The following EIF2B3 variants were observed in gnomAD, a reference collection of about 807,000 sequenced individuals.
EIF2B3 encodes eukaryotic translation initiation factor 2B subunit gamma, also known as translation initiation factor eIF2B subunit gamma.
Under a neutral mutation model 54.1 loss-of-function variants are expected in EIF2B3, and 20 were observed. The observed-to-expected ratio is 0.37, with a 90% CI of 0.26 to 0.54. The LOEUF is 0.54. Among genes scored for constraint, EIF2B3 ranks in the 20% least tolerant of loss-of-function variants. The probability of loss-of-function intolerance (pLI) is 0.86; values close to 1 mark genes in which losing one functional copy is unlikely to be tolerated. For synonymous variants in EIF2B3, 153 were observed against 188.1 expected, an observed-to-expected ratio of 0.81 and a Z score of 1.52; for missense variants, 448 against 547.8, an observed-to-expected ratio of 0.82 and a Z score of 1.82.
chr1:44,857,319 C>G (rs928890771), intron 11 of EIF2B3, among the ~76,000 whole-genome samples: 3 of 152,126 alleles, frequency 2.0e-5, no homozygotes, highest in African/African-American at 7.2e-5. Context: ...CTCCTGAGGT[C>G]GGGAGTTCGC....
intron 3 of EIF2B3, among the ~76,000 whole-genome samples, chr1:44,977,464 A>G (rs1473148944): frequency 1.3e-5 from 2 of 149,790 alleles, no homozygotes; most frequent in African/African-American, 2.5e-5. Context: ...CATTTAGAGT[A>G]TATCTTTTTT....
chr1:44,922,466 A>G (rs1273840332), intron 5 of EIF2B3, among the ~76,000 whole-genome samples: 2 of 151,320 alleles, frequency 1.3e-5, no homozygotes, highest in Non-Finnish European at 2.9e-5. Context: ...GGGCGCCTGT[A>G]ATCCCAGCTA....
chr1:44,916,810 C>CAAA (rs58666630), intron 5 of EIF2B3, among the ~76,000 whole-genome samples: 38 of 111,316 alleles, frequency 3.4e-4, no homozygotes, highest in East Asian at 7.7e-4. Flanking sequence ...GATTCTGTCG[C>CAAA]AAAAAAAAAA....
At chr1:44,943,059 G>A (rs375787514) in intron 3 of EIF2B3, among the ~76,000 whole-genome samples, 15 of 151,730 alleles carry the variant, frequency 9.9e-5, no homozygotes, top group South Asian at 2.1e-4. Flanking sequence ...GTGTTTCACC[G>A]TGTTAGCCAG....
At position 44,910,852 on chromosome 1, in the gene EIF2B3, T is replaced by A. The variant is rs59559455; in HGVS notation, c.567-13408A>T. Among the ~76,000 whole-genome samples the A allele has an allele frequency of 4.1e-4, 63 of 151,984 alleles. No individual in the cohort carries two copies. In the South Asian group the frequency reaches 0.011, roughly 27 times the overall value. On this transcript the variant is annotated intron_variant, in intron 5 of 11. Transcript: ENST00000360403. ...TCCTTTTCTCTCTCTCTTTCTTTTTTAAATTTTTTTTCCATAGGTTTTGGG... is the reference window on the plus strand; with the variant it reads ...TCCTTTTCTCTCTCTCTTTCTTTTTAAAATTTTTTTTCCATAGGTTTTGGG...
intron 10 of EIF2B3, among the ~76,000 whole-genome samples, chr1:44,865,892 TTTTA>T (rs749880380): frequency 2.6e-5 from 4 of 152,054 alleles, no homozygotes; most frequent in Non-Finnish European, 5.9e-5. Flanking sequence ...CTTTTAAAAT[TTTTA>T]TTTATTTATT....
chr1:44,965,345 T>C (rs1480006144), intron 3 of EIF2B3, among the ~76,000 whole-genome samples: 6 of 152,182 alleles, frequency 3.9e-5, no homozygotes, highest in Admixed American at 3.9e-4. Flanking sequence ...AATCTACATA[T>C]AAAATTCTAC....
intron 4 of EIF2B3, among the ~76,000 whole-genome samples, chr1:44,939,260 C>T (rs1643993954): frequency 6.6e-6 from 1 of 152,096 alleles, no homozygotes; most frequent in South Asian, 2.1e-4. Context: ...TGGCTCTTCT[C>T]CAGTCCTATC....
chr1:44,888,620 G>A (rs976847394), intron 6 of EIF2B3, among the ~76,000 whole-genome samples: 7 of 152,130 alleles, frequency 4.6e-5, no homozygotes, highest in African/African-American at 1.7e-4. Flanking sequence ...TGTATTTTGT[G>A]CTATGAATTT....
chr1:44,959,437 G>A (rs148143957), intron 3 of EIF2B3: 8 of 433,982 alleles, frequency 1.8e-5, no homozygotes, highest in Non-Finnish European at 3.6e-5. Context: ...AGCTACTTAG[G>A]AGACTGAGGC....
chr1:44,886,025 G>A (rs542317307), intron 6 of EIF2B3, among the ~76,000 whole-genome samples: 37 of 151,478 alleles, frequency 2.4e-4, no homozygotes, highest in Non-Finnish European at 3.7e-4. Context: ...GATTACAGGC[G>A]TAAGCTACCG....
chr1:44,934,415 A>G (rs1187004944), intron 4 of EIF2B3, among the ~76,000 whole-genome samples: 2 of 152,126 alleles, frequency 1.3e-5, no homozygotes, highest in East Asian at 3.8e-4. Context: ...AAAACAAAAC[A>G]AAACAAAATT....
chr1:44,856,089 T>C (rs1654423012), intron 11 of EIF2B3, among the ~76,000 whole-genome samples: 2 of 152,254 alleles, frequency 1.3e-5, no homozygotes, highest in South Asian at 2.1e-4. Context: ...TGGAGAGGTA[T>C]AATGGCACGG....
chr1:44,861,923 T>G (rs1428703761), intron 10 of EIF2B3, among the ~76,000 whole-genome samples: 1 of 152,194 alleles, frequency 6.6e-6, no homozygotes, highest in East Asian at 1.9e-4. Flanking sequence ...ATAGCAAGGC[T>G]GAGGTACTTT....
intron 5 of EIF2B3, among the ~76,000 whole-genome samples, chr1:44,923,244 CT>C (rs1373796615): frequency 3.3e-5 from 5 of 152,226 alleles, no homozygotes; most frequent in Non-Finnish European, 7.3e-5. Flanking sequence ...CTAGCTAGGA[CT>C]TCCAGTACTA....
Position 44,879,892 on chromosome 1 carries a change from A to G in EIF2B3, c.901T>C (p.Tyr301His). The G allele has an allele frequency of 6.2e-7, 1 of 1,614,174 alleles. No individual in the cohort carries two copies. The change falls in exon 8 of 12, where the codon TAT becomes CAT. Residue 301 changes from tyrosine to histidine, a missense_variant. By Grantham distance (83) the Tyr-to-His change is moderately conservative. Transcript: ENST00000360403. ...AGCCCCTCTTTCATGATGTGGACAT[A>G]GCAGCGCACCTGTGATCTGGACAAG... is the stretch of plus-strand genomic sequence containing the variant. ...EDLSRSQVRC[Y>H]VHIMKEGLCS...
At chr1:44,940,856 G>C (rs534759610) in intron 4 of EIF2B3, 1 of 152,300 alleles carries the variant, frequency 6.6e-6, no homozygotes, top group Non-Finnish European at 1.5e-5. Flanking sequence ...GAAAGAACCA[G>C]CCATACTAAA....
chr1:44,857,908 T>C (rs1654488472), intron 10 of EIF2B3, 101 bp from the exon 11 acceptor site: 1 of 1,120,604 alleles, frequency 8.9e-7, no homozygotes, highest in Non-Finnish European at 1.4e-6. Flanking sequence ...CAGGAACAGC[T>C]GGGCAGTCCA....
At chr1:44,985,028 G>A (rs540906897) in intron 1 of EIF2B3, among the ~76,000 whole-genome samples, 10 of 150,782 alleles carry the variant, frequency 6.6e-5, no homozygotes, top group Admixed American at 2.6e-4. Flanking sequence ...GGATGGTCTC[G>A]ATCTCCTGAC....
Sources: gnomAD v4.1 joint callset for allele counts (sites outside exome capture counted in the v4.1 genomes callset) on GRCh38, gnomAD v4.1.1 for gene constraint, MANE v1.5 for transcripts, NCBI Gene and HGNC (gene_info 2026-07-23, HGNC 2026-07-21) for gene names.